The following SIM1 variants were observed in gnomAD, a reference collection of about 807,000 sequenced individuals.
SIM1 encodes SIM bHLH transcription factor 1, also known as single-minded homolog 1.
SIM1 carries 18 observed loss-of-function variants against 78.2 expected under a neutral mutation model. The observed-to-expected ratio is 0.23, with a 90% confidence interval of 0.16 to 0.34. The LOEUF (loss-of-function observed/expected upper bound fraction) is 0.34, where lower values mean the gene tolerates loss of function less well. SIM1 is among the 10% of genes least tolerant of loss of function. SIM1 has a pLI of 1.00. For synonymous variants in SIM1, 417 were observed against 385.2 expected, an observed-to-expected ratio of 1.08 and a Z score of -0.97; for missense variants, 939 against 975.1, an observed-to-expected ratio of 0.96 and a Z score of 0.49.
intron 10 of SIM1, among the ~76,000 whole-genome samples, chr6:100,420,166 AT>A (rs1182522760): frequency 2.0e-5 from 3 of 151,562 alleles, no homozygotes; most frequent in South Asian, 2.1e-4. Context: ...CAGAAAAATA[AT>A]TTTTTTTTCT....
chr6:100,411,867 G>A (rs9485026), intron 10 of SIM1, among the ~76,000 whole-genome samples: 412 of 152,216 alleles, frequency 2.7e-3, no homozygotes, highest in African/African-American at 9.5e-3. Flanking sequence ...TTGAAAAATA[G>A]GGGCAATGCA....
At chr6:100,455,775 G>T (rs2114550955) in intron 2 of SIM1, among the ~76,000 whole-genome samples, 1 of 152,334 alleles carries the variant, frequency 6.6e-6, no homozygotes, top group Non-Finnish European at 1.5e-5. Context: ...TTCCCGAAGG[G>T]TGCGAAGACT....
At chr6:100,438,476 A>G (rs1471365468) in intron 9 of SIM1, among the ~76,000 whole-genome samples, 1 of 152,188 alleles carries the variant, frequency 6.6e-6, no homozygotes, top group African/African-American at 2.4e-5. Context: ...TATTGGTGTA[A>G]GTGTGGTAAA....
intron 9 of SIM1, among the ~76,000 whole-genome samples, chr6:100,423,030 A>G (rs1034340427): frequency 1.3e-5 from 2 of 152,210 alleles, no homozygotes; most frequent in African/African-American, 2.4e-5. Context: ...CATAAGCAGT[A>G]AAAATTTAGA....
chr6:100,435,012 T>C (rs535481332), intron 9 of SIM1, among the ~76,000 whole-genome samples: 2 of 152,348 alleles, frequency 1.3e-5, no homozygotes, highest in South Asian at 4.1e-4. Context: ...TTAAATGTTC[T>C]AAATAAAATA....
chr6:100,449,825 T>G, intron 4 of SIM1, 126 bp from the exon 5 acceptor site: 1 of 715,008 alleles, frequency 1.4e-6, no homozygotes, highest in Non-Finnish European at 2.4e-6. Context: ...TGGCCCTGAG[T>G]TCCAATGCCA....
intron 11 of SIM1, 31 bp downstream of exon 11, chr6:100,393,456 G>T: frequency 6.7e-7 from 1 of 1,490,964 alleles, no homozygotes. Flanking sequence ...CCTAATGCTT[G>T]GAGTTCGGGA....
intron 10 of SIM1, among the ~76,000 whole-genome samples, chr6:100,418,744 A>G (rs1479376674): frequency 2.6e-5 from 4 of 152,186 alleles, no homozygotes; most frequent in Non-Finnish European, 5.9e-5. Flanking sequence ...CAACACATCT[A>G]TATATTAAAG....
Position 100,393,896 on chromosome 6 carries a change from C to A in SIM1, c.1168-7G>T. On this transcript the variant is annotated splice_region_variant and splice_polypyrimidine_tract_variant and intron_variant, in intron 10 of 11. Coordinates refer to ENST00000369208, the MANE Select transcript of SIM1 (RefSeq NM_005068.3). ...CTGTGTGAAATCCCGAATACTGAAA[C>A]CGAGTAGGGGAGAAAAGTCCATTTC... 1 of 1,536,144 alleles carries A rather than the reference C, an allele frequency of 6.5e-7. No homozygotes were observed. Among genetic ancestry groups the A allele is most frequent in the Non-Finnish European group, 8.8e-7 (1 of 1,139,598 alleles).
At chr6:100,418,032 G>A (rs1771450133) in intron 10 of SIM1, among the ~76,000 whole-genome samples, 1 of 152,124 alleles carries the variant, frequency 6.6e-6, no homozygotes, top group South Asian at 2.1e-4. Context: ...GTGTGCATGT[G>A]CATTTCATAG....
At chr6:100,441,885 A>G (rs1384444888) in intron 9 of SIM1, among the ~76,000 whole-genome samples, 1 of 152,186 alleles carries the variant, frequency 6.6e-6, no homozygotes, top group Non-Finnish European at 1.5e-5. Flanking sequence ...GCTGAACACT[A>G]CAGGCCTCAC....
chr6:100,432,973 C>T (rs1771940417), intron 9 of SIM1, among the ~76,000 whole-genome samples: 1 of 152,122 alleles, frequency 6.6e-6, no homozygotes, highest in African/African-American at 2.4e-5. Context: ...TTCTTGACTC[C>T]TTTCATCTTC....
intron 9 of SIM1, among the ~76,000 whole-genome samples, chr6:100,438,452 C>G (rs559492393): frequency 6.6e-6 from 1 of 152,250 alleles, no homozygotes; most frequent in South Asian, 2.1e-4. Flanking sequence ...ATTTAAAAAT[C>G]AAAAAGCAAT....
intron 10 of SIM1, among the ~76,000 whole-genome samples, chr6:100,394,289 A>G (rs993183772): frequency 6.6e-6 from 1 of 152,198 alleles, no homozygotes; most frequent in Non-Finnish European, 1.5e-5. Flanking sequence ...GATTTGCCCA[A>G]AGCCACAGTG....
At chr6:100,412,687 G>A (rs865905122) in intron 10 of SIM1, among the ~76,000 whole-genome samples, 30 of 23,908 alleles carry the variant, frequency 1.3e-3, no homozygotes, top group Middle Eastern at 0.033. Flanking sequence ...GAAAGAAAAA[G>A]AAAGAAAGAA....
intron 10 of SIM1, among the ~76,000 whole-genome samples, chr6:100,397,631 T>C (rs1283979521): frequency 2.6e-5 from 4 of 151,800 alleles, no homozygotes; most frequent in African/African-American, 4.8e-5. Context: ...GTTTTTAGAC[T>C]TGACAACAAA....
intron 7 of SIM1, 39 bp from the exon 8 acceptor site, chr6:100,448,291 G>A: frequency 6.5e-7 from 1 of 1,533,676 alleles, no homozygotes; most frequent in South Asian, 1.2e-5. Flanking sequence ...TGCAGGCGCG[G>A]GTGCAGGGAT....
intron 10 of SIM1, among the ~76,000 whole-genome samples, chr6:100,408,023 G>A (rs888387151): frequency 6.6e-6 from 1 of 151,992 alleles, no homozygotes. Context: ...TGTTGTCAGT[G>A]CTTTTGGTGT....
chr6:100,453,695 G>T, intron 3 of SIM1, 67 bp downstream of exon 3: 69 of 998,868 alleles, frequency 6.9e-5, no homozygotes, highest in Non-Finnish European at 9.6e-5. Context: ...GAAACTAAAA[G>T]CTCAACTCAG....
Sources: allele counts gnomAD v4.1 joint callset (sites outside exome capture counted in the v4.1 genomes callset), GRCh38; gene constraint gnomAD v4.1.1; transcripts MANE v1.5; gene names NCBI Gene and HGNC (gene_info 2026-07-23, HGNC 2026-07-21).